HCN1: variants seen among roughly 807,000 people sequenced by gnomAD.
The protein encoded by HCN1 is potassium/sodium hyperpolarization-activated cyclic nucleotide-gated channel 1.
Under a neutral mutation model 78.9 loss-of-function variants are expected in HCN1, and 13 were observed. The observed-to-expected ratio is 0.16, with a 90% CI of 0.11 to 0.26. HCN1 has a LOEUF of 0.26. Ranked by LOEUF, HCN1 falls within the 10% of genes least tolerant of loss-of-function variation. The pLI, the probability that HCN1 is intolerant of heterozygous loss-of-function variation, is 1.00. For synonymous variants in HCN1, 552 were observed against 455.5 expected (o/e 1.21, Z -2.70); for missense variants, 810 against 1,154.3 (o/e 0.70, Z 4.32).
At chr5:45,461,476 C>T (rs997857104) in intron 3 of HCN1, among the ~76,000 whole-genome samples, 1 of 151,988 alleles carries the variant, frequency 6.6e-6, no homozygotes, top group Non-Finnish European at 1.5e-5. Context: ...TGTCTTGAAC[C>T]TAGTGAAAGC....
chr5:45,524,778 A>C (rs1742695867), intron 2 of HCN1, among the ~76,000 whole-genome samples: 1 of 152,154 alleles, frequency 6.6e-6, no homozygotes, highest in African/African-American at 2.4e-5. Flanking sequence ...GGGGTTTTCT[A>C]GATATACAGT....
chr5:45,667,575 T>C (rs535902955), intron 1 of HCN1, among the ~76,000 whole-genome samples: 1 of 152,082 alleles, frequency 6.6e-6, no homozygotes, highest in East Asian at 1.9e-4. Flanking sequence ...CTGCTGACAT[T>C]AACAAATTTA....
intron 5 of HCN1, among the ~76,000 whole-genome samples, chr5:45,341,523 G>T (rs1413411175): frequency 6.6e-6 from 1 of 152,186 alleles, no homozygotes; most frequent in African/African-American, 2.4e-5. Flanking sequence ...ACATGGCTTT[G>T]CAAGTATGAT....
At chr5:45,638,498 A>C (rs1252175646) in intron 2 of HCN1, among the ~76,000 whole-genome samples, 2 of 152,228 alleles carry the variant, frequency 1.3e-5, no homozygotes, top group Admixed American at 6.5e-5. Flanking sequence ...TGTCAAAAGC[A>C]CTGAGATGAT....
intron 1 of HCN1, among the ~76,000 whole-genome samples, chr5:45,666,955 A>ATG (rs1746062445): frequency 6.6e-6 from 1 of 152,052 alleles, no homozygotes; most frequent in African/African-American, 2.4e-5. Context: ...GGAAAGCCTA[A>ATG]TGTCTAAGAG....
At chr5:45,651,006 C>T (rs1288207966) in intron 1 of HCN1, among the ~76,000 whole-genome samples, 1 of 151,958 alleles carries the variant, frequency 6.6e-6, no homozygotes, top group African/African-American at 2.4e-5. Flanking sequence ...CTTGTATTTA[C>T]AATATTTTCT....
In HCN1 at chr5:45,645,313, T is replaced by C; in HGVS notation, c.721A>G (p.Lys241Glu). The change falls in exon 2 of 8, where the codon AAA (lysine) becomes GAA (glutamate). Residue 241 changes from lysine to glutamate, a missense_variant. Transcript: ENST00000303230. ...TTGTAAACTTCAGAATCCATTCCTT[T>C]TTCTACAATAAGAAAGATATAATCC... ...PVDYIFLIVE[K>E]GMDSEVYKTA... 1 of 1,613,662 alleles carries C rather than the reference T, an allele frequency of 6.2e-7. No homozygotes were observed. Among genetic ancestry groups the C allele is most frequent in the Non-Finnish European group, 8.5e-7 (1 of 1,179,830 alleles).
chr5:45,429,915 T>C lies in HCN1; in HGVS notation c.1011+31931A>G, dbSNP rs575559243. 2.6e-5 allele frequency among the ~76,000 whole-genome samples: 4 copies of C among 151,904 alleles called. No individual in the cohort carries two copies. The South Asian group carries it at 8.3e-4, about 32-fold the overall frequency. ...GAAGTGGTGGGGATAGACTATAATA[T>C]GGAGTGGTAGTTAACAGTACAGTAA... On this transcript the variant is annotated intron_variant, in intron 3 of 7. Transcript: ENST00000303230.
At chr5:45,382,138 G>A (rs2112026435) in intron 4 of HCN1, among the ~76,000 whole-genome samples, 1 of 152,284 alleles carries the variant, frequency 6.6e-6, no homozygotes, top group Admixed American at 6.5e-5. Context: ...CTCAGCATAA[G>A]TGACACTTCA....
At chr5:45,331,285 A>G (rs559729879) in intron 5 of HCN1, among the ~76,000 whole-genome samples, 2 of 151,330 alleles carry the variant, frequency 1.3e-5, no homozygotes, top group East Asian at 1.9e-4. Flanking sequence ...TGGGTTCTTA[A>G]GTGTTTTACT....
intron 3 of HCN1, among the ~76,000 whole-genome samples, chr5:45,444,952 A>G (rs1357247872): frequency 1.3e-5 from 2 of 152,156 alleles, no homozygotes; most frequent in Non-Finnish European, 2.9e-5. Flanking sequence ...TCCCAGCCTG[A>G]GCAATGCAGA....
At chr5:45,325,492 AG>A (rs1746217947) in intron 5 of HCN1, among the ~76,000 whole-genome samples, 1 of 151,772 alleles carries the variant, frequency 6.6e-6, no homozygotes, top group Non-Finnish European at 1.5e-5. Context: ...CTCATAATAA[AG>A]CTACTCTATT....
intron 4 of HCN1, among the ~76,000 whole-genome samples, chr5:45,373,265 AT>A (rs1198864152): frequency 6.7e-5 from 8 of 119,370 alleles, no homozygotes; most frequent in African/African-American, 2.7e-4. Flanking sequence ...TATATTATAT[AT>A]TATATATATT....
chr5:45,348,438 C>T (rs1305735068), intron 5 of HCN1, among the ~76,000 whole-genome samples: 1 of 152,110 alleles, frequency 6.6e-6, no homozygotes, highest in African/African-American at 2.4e-5. Context: ...GCCATCAAGG[C>T]TAGGAAGAAA....
intron 4 of HCN1, among the ~76,000 whole-genome samples, chr5:45,393,950 T>C (rs988994289): frequency 6.6e-6 from 1 of 152,152 alleles, no homozygotes; most frequent in South Asian, 2.1e-4. Context: ...GATCAGGGGG[T>C]AAGGTGAGAT....
At chr5:45,669,772 C>T (rs954411563) in intron 1 of HCN1, among the ~76,000 whole-genome samples, 1 of 151,686 alleles carries the variant, frequency 6.6e-6, no homozygotes, top group Non-Finnish European at 1.5e-5. Flanking sequence ...TACTGAAGAA[C>T]AAATTGCAAA....
At chr5:45,505,017 T>C (rs1379430210) in intron 2 of HCN1, among the ~76,000 whole-genome samples, 1 of 152,098 alleles carries the variant, frequency 6.6e-6, no homozygotes, top group African/African-American at 2.4e-5. Context: ...GACAGATGAG[T>C]AGATTGCAAA....
chr5:45,601,332 G>A (rs1374644904), intron 2 of HCN1, among the ~76,000 whole-genome samples: 1 of 152,096 alleles, frequency 6.6e-6, no homozygotes, highest in Non-Finnish European at 1.5e-5. Flanking sequence ...AGGCTCAGAT[G>A]CTAGAAGACA....
In HCN1 at chr5:45,385,354, A is replaced by AT. The variant is rs555250429; in HGVS notation, c.1230+11137dup. 3.3e-5 allele frequency among the ~76,000 whole-genome samples: 5 copies of AT among 152,058 alleles called. No individual in the cohort carries two copies. The East Asian group carries it at 5.8e-4, about 18-fold the overall frequency. On this transcript the variant is annotated intron_variant, in intron 4 of 7. Transcript: ENST00000303230. Reference sequence around the variant, plus strand: ...TGAAAGTTGAGAAGGTAGTCATTCGATTTTTTTTAATTAAAAAAAGGAAAT... The same window carrying AT: ...TGAAAGTTGAGAAGGTAGTCATTCGATTTTTTTTTAATTAAAAAAAGGAAAT...
Sources: gnomAD v4.1 joint callset for allele counts (sites outside exome capture counted in the v4.1 genomes callset) on GRCh38, gnomAD v4.1.1 for gene constraint, MANE v1.5 for transcripts, NCBI Gene and HGNC (gene_info 2026-07-23, HGNC 2026-07-21) for gene names.